VTI1A: variants seen among roughly 807,000 people sequenced by gnomAD.
VTI1A encodes the protein vesicle transport through interaction with t-SNAREs 1A, also known as vesicle transport through interaction with t-SNAREs homolog 1A.
In VTI1A, 22 loss-of-function variants were observed where a neutral mutation model predicts 34.9. That is an observed-to-expected ratio of 0.63 (90% CI 0.45 to 0.90). The LOEUF (loss-of-function observed/expected upper bound fraction) is 0.90, where lower values mean the gene tolerates loss of function less well. Ranked by LOEUF, VTI1A falls within the 40% of genes least tolerant of loss-of-function variation. The pLI is 0.00. For missense variants in VTI1A, 268 were observed against 275.6 expected, an observed-to-expected ratio of 0.97 and a Z score of 0.20; for synonymous variants, 87 against 97.3, an observed-to-expected ratio of 0.89 and a Z score of 0.62.
downstream of VTI1A, among the ~76,000 whole-genome samples, chr10:112,822,573 C>T (rs866053152): frequency 2.6e-5 from 4 of 152,182 alleles, no homozygotes; most frequent in African/African-American, 7.2e-5. Context: ...CTGAGCAGAC[C>T]TTCCCCACAC....
the VTI1A span, among the ~76,000 whole-genome samples, chr10:112,850,460 A>G: frequency 6.6e-6 from 1 of 152,152 alleles, no homozygotes; most frequent in Non-Finnish European, 1.5e-5. Flanking sequence ...GGGAGCAAAG[A>G]GAGGTCCACC....
chr10:112,844,574 T>C, the VTI1A span, among the ~76,000 whole-genome samples: 3 of 152,194 alleles, frequency 2.0e-5, no homozygotes, highest in Admixed American at 6.5e-5. Flanking sequence ...AATTTTCGTA[T>C]TTTTAGTAGA....
At position 112,484,682 on chromosome 10, in the gene VTI1A, G is replaced by A. The variant is rs12244714; in HGVS notation, c.264+20025G>A. Among the ~76,000 whole-genome samples the A allele has an allele frequency of 7.1e-3, 1,075 of 151,880 alleles. 14 individuals are homozygous for A. The highest frequency in any genetic ancestry group is 0.025 in the African/African-American group (1,035 of 41,348). On this transcript the variant is annotated intron_variant, in intron 3 of 7. Transcript: ENST00000393077. ...GAGAGTGGGTCATCTATTTTTTGTA[G>A]TTTTGAAGTATTTAACAGATGCTGT...
intron 5 of VTI1A, among the ~76,000 whole-genome samples, chr10:112,610,174 T>G (rs1366378123): frequency 7.1e-5 from 4 of 56,550 alleles, no homozygotes; most frequent in Non-Finnish European, 1.3e-4. Context: ...ACTTTTCCAG[T>G]CTTTTTTTTT....
At chr10:112,709,975 G>T (rs1440684970) in intron 7 of VTI1A, among the ~76,000 whole-genome samples, 1 of 145,710 alleles carries the variant, frequency 6.9e-6, no homozygotes, top group Non-Finnish European at 1.5e-5. Context: ...TGCTTTGATT[G>T]TACTGCTCTT....
chr10:112,599,919 C>T (rs1257719816), intron 5 of VTI1A, among the ~76,000 whole-genome samples: 1 of 152,158 alleles, frequency 6.6e-6, no homozygotes, highest in East Asian at 1.9e-4. Flanking sequence ...AATAACGTTC[C>T]AACTCCGGGC....
intron 5 of VTI1A, among the ~76,000 whole-genome samples, chr10:112,547,681 G>A (rs1291008497): frequency 2.0e-5 from 3 of 152,110 alleles, no homozygotes; most frequent in East Asian, 1.9e-4. Context: ...TTCAGTTTAT[G>A]TATGCCCTTT....
intron 5 of VTI1A, among the ~76,000 whole-genome samples, chr10:112,551,900 T>G (rs991548828): frequency 9.2e-5 from 14 of 152,196 alleles, no homozygotes; most frequent in Non-Finnish European, 1.9e-4. Flanking sequence ...CTTTTAACAT[T>G]CATCATTCAG....
chr10:112,853,170 G>A, the VTI1A span, among the ~76,000 whole-genome samples: 1 of 152,150 alleles, frequency 6.6e-6, no homozygotes, highest in Non-Finnish European at 1.5e-5. Context: ...CTCTTCCAGG[G>A]GGGTAAATTC....
chr10:112,721,297 T>C (rs138561009), intron 7 of VTI1A, among the ~76,000 whole-genome samples: 1 of 152,334 alleles, frequency 6.6e-6, no homozygotes, highest in East Asian at 1.9e-4. Context: ...GAGCACTCAC[T>C]TACCATTGCC....
intron 1 of VTI1A, among the ~76,000 whole-genome samples, chr10:112,456,011 A>T (rs1297593108): frequency 6.6e-6 from 1 of 152,096 alleles, no homozygotes; most frequent in East Asian, 1.9e-4. Flanking sequence ...TGACTCATTT[A>T]TTCTGTAAGC....
intron 4 of VTI1A, 56 bp from the exon 5 acceptor site, chr10:112,538,186 CAAAA>C: frequency 2.7e-6 from 4 of 1,469,028 alleles, no homozygotes; most frequent in Non-Finnish European, 3.8e-6. Flanking sequence ...TTTTTTAAGG[CAAAA>C]AAAAGAACAT....
rs375502317 is a variant in VTI1A, at chr10:112,656,071, ATTTGTCAAGTTTCTG to A, written c.428-12144_428-12130del. Among the ~76,000 whole-genome samples, 543 of 152,278 alleles carry A rather than the reference ATTTGTCAAGTTTCTG, an allele frequency of 3.6e-3. 4 individuals carry two copies. Among genetic ancestry groups the A allele is most frequent in the African/African-American group, 0.012 (512 of 41,568 alleles). ...AAAGTGAAGAACTCAAAAAATTACC[ATTTGTCAAGTTTCTG>A]TTGTCAATTGAGAAAAGGTCCCGGT... On this transcript the variant is annotated intron_variant, in intron 5 of 7. Coordinates refer to ENST00000393077, the MANE Select transcript of VTI1A (RefSeq NM_145206.4).
chr10:112,563,205 G>A (rs1302270371), intron 5 of VTI1A, among the ~76,000 whole-genome samples: 1 of 152,134 alleles, frequency 6.6e-6, no homozygotes, highest in Non-Finnish European at 1.5e-5. Context: ...GTTGCTTCAA[G>A]GATTTAGAGG....
intron 7 of VTI1A, among the ~76,000 whole-genome samples, chr10:112,740,369 A>G (rs951915314): frequency 6.6e-6 from 1 of 152,162 alleles, no homozygotes; most frequent in East Asian, 1.9e-4. Flanking sequence ...GGCACACTGC[A>G]ACCTCCGCCT....
At chr10:112,782,143 C>G (rs1852149281) in intron 7 of VTI1A, among the ~76,000 whole-genome samples, 2 of 152,246 alleles carry the variant, frequency 1.3e-5, no homozygotes, top group South Asian at 4.1e-4. Context: ...TCTGTGAGGA[C>G]AGGGACCTAA....
chr10:112,568,681 G>A lies in VTI1A; in HGVS notation c.427+30351G>A, dbSNP rs573416595. ...TTATCCTATAACAATCACCCAGCCA[G>A]CTAAGCATGATCAGGTTTGATTTTA... On this transcript the variant is annotated intron_variant, in intron 5 of 7. Coordinates refer to ENST00000393077, the MANE Select transcript of VTI1A (RefSeq NM_145206.4). Among the ~76,000 whole-genome samples, 3 of 152,284 alleles carry A rather than the reference G, an allele frequency of 2.0e-5. No individual in the cohort carries two copies. In the South Asian group the frequency reaches 6.2e-4, roughly 32 times the overall value.
At chr10:112,559,038 C>A (rs1024224520) in intron 5 of VTI1A, among the ~76,000 whole-genome samples, 2 of 152,120 alleles carry the variant, frequency 1.3e-5, no homozygotes, top group Admixed American at 6.5e-5. Context: ...TGCCAATGGG[C>A]GCTTAAGTGC....
chr10:112,768,702 G>A (rs1014520916), intron 7 of VTI1A, among the ~76,000 whole-genome samples: 2 of 152,138 alleles, frequency 1.3e-5, no homozygotes, highest in South Asian at 4.1e-4. Flanking sequence ...GGTGAGGGTG[G>A]GGAAAGAAAT....
Sources: gnomAD v4.1 joint callset for allele counts (sites outside exome capture counted in the v4.1 genomes callset) on GRCh38, gnomAD v4.1.1 for gene constraint, MANE v1.5 for transcripts, NCBI Gene and HGNC (gene_info 2026-07-23, HGNC 2026-07-21) for gene names.